The following VWA5B1 variants were observed in gnomAD, a reference collection of about 807,000 sequenced individuals.
The protein encoded by VWA5B1 is von Willebrand factor A domain-containing protein 5B1.
In VWA5B1, 115 loss-of-function variants were observed where a neutral mutation model predicts 118.2. The ratio of observed to expected loss-of-function variants is 0.97; its 90% confidence interval spans 0.84 to 1.14. The LOEUF (loss-of-function observed/expected upper bound fraction) is 1.14. Among genes scored for constraint, VWA5B1 ranks in the 50% most tolerant of loss-of-function variants. VWA5B1 has a pLI of 0.00. For missense variants in VWA5B1, 1,596 were observed against 1,603.8 expected, an observed-to-expected ratio of 1.00 and a Z score of 0.08; for synonymous variants, 682 against 658.4, an observed-to-expected ratio of 1.04 and a Z score of -0.55.
In VWA5B1 at chr1:20,352,047, C is replaced by T. The variant is rs1245160688; in HGVS notation, c.3024-8C>T. 1 of 1,549,626 alleles carries T rather than the reference C, an allele frequency of 6.5e-7. No individual in the cohort carries two copies. The highest frequency in any genetic ancestry group is 8.7e-7 in the Non-Finnish European group (1 of 1,146,012). ...GATGCCCAGGGCCACCTGACTTCAC[C>T]TGCACAGGCTAAATCTCAACAAGTC... is the stretch of plus-strand genomic sequence containing the variant. On this transcript the variant is annotated splice_polypyrimidine_tract_variant and splice_region_variant and intron_variant, in intron 20 of 21. Transcript: ENST00000289815.
intron 16 of VWA5B1, among the ~76,000 whole-genome samples, 188 bp from the exon 17 acceptor site, chr1:20,345,268 C>T (rs887342723): frequency 3.3e-5 from 5 of 152,114 alleles, no homozygotes; most frequent in African/African-American, 7.2e-5. Flanking sequence ...GAAATGATGA[C>T]GTGAAATGAT....
chr1:20,318,427 G>A, intron 5 of VWA5B1, 163 bp from the exon 6 acceptor site: 2 of 924,300 alleles, frequency 2.2e-6, no homozygotes, highest in Non-Finnish European at 3.4e-6. Context: ...TTTACAGGTG[G>A]GGAAATTGAG....
intron 12 of VWA5B1, 134 bp from the exon 13 acceptor site, chr1:20,336,169 A>T (rs906657354): frequency 1.7e-5 from 13 of 744,914 alleles, no homozygotes; most frequent in Admixed American, 4.3e-5. Context: ...CTAAGCAAAC[A>T]CAAAGCTTTC....
chr1:20,336,275 T>C, intron 12 of VWA5B1, 28 bp from the exon 13 acceptor site: 1 of 1,363,722 alleles, frequency 7.3e-7, no homozygotes, highest in Non-Finnish European at 9.6e-7. Context: ...GCCTCACTCC[T>C]AGCCCTCTTT....
Position 20,317,563 on chromosome 1 carries a change from G to T in VWA5B1, c.597G>T (p.Pro199=). Residue 199 remains proline, a synonymous_variant, in exon 5 of 22, where the codon CCG becomes CCT. Coordinates refer to ENST00000289815, the MANE Select transcript of VWA5B1 (RefSeq NM_001039500.3). ...KDRHCFGAWA[P]GSWNKLCLAT... is the part of the protein sequence containing the mutation. ...GGCACTGCTTCGGTGCCTGGGCCCC[G>T]GGCTCCTGGAATAAGTTGTGCCTGG... The T allele has an allele frequency of 6.4e-7, 1 of 1,551,636 alleles. No homozygotes were observed.
At chr1:20,309,986 A>C (rs558065913) in intron 1 of VWA5B1, among the ~76,000 whole-genome samples, 1 of 125,174 alleles carries the variant, frequency 8.0e-6, no homozygotes, top group South Asian at 2.6e-4. Flanking sequence ...GGTGGTGAGA[A>C]GGAGGTGCAG....
Position 20,354,322 on chromosome 1 carries a change from C to G in VWA5B1, c.*59C>G. ...TGGGGAGGAGAGGGATGGGCAGGGC[C>G]ATGTCGGCCTGGTTTCGGGGAGCTT... is the stretch of plus-strand genomic sequence containing the variant. On this transcript the variant is annotated 3_prime_UTR_variant, in exon 22 of 22. Transcript: ENST00000289815. The G allele has an allele frequency of 1.4e-6, 2 of 1,479,860 alleles. No individual in the cohort carries two copies. Among genetic ancestry groups the G allele is most frequent in the Non-Finnish European group, 9.0e-7 (1 of 1,108,544 alleles). The allele number at this position is 1,479,860 out of a possible 1,614,324, so 91.7% of individuals were successfully genotyped here.
chr1:20,315,172 G>A (rs896793358), intron 4 of VWA5B1, among the ~76,000 whole-genome samples: 7 of 152,224 alleles, frequency 4.6e-5, no homozygotes, highest in Admixed American at 2.0e-4. Flanking sequence ...TGAACGATGC[G>A]GAGGATGTAG....
intron 1 of VWA5B1, among the ~76,000 whole-genome samples, chr1:20,305,938 T>C (rs530701138): frequency 5.9e-5 from 9 of 152,056 alleles, no homozygotes; most frequent in African/African-American, 2.2e-4. Flanking sequence ...TGTGATGACA[T>C]ATGGATCCAT....
chr1:20,350,866 G>T lies in VWA5B1; in HGVS notation c.2963G>T (p.Arg988Leu). 6.4e-7 allele frequency: 1 copy of T among 1,551,798 alleles called. No homozygotes were observed. Among genetic ancestry groups the T allele is most frequent in the Non-Finnish European group, 8.7e-7 (1 of 1,147,008 alleles). ...EKHGASEGPQ[R>L]SLATNTLSSM... ...TTCTGTGGCTCTCCAGGTCCCCAGC[G>T]CAGCCTGGCTACAAATACTCTTTCT... is the stretch of plus-strand genomic sequence containing the variant. The change falls in exon 20 of 22, where the codon CGC becomes CTC. Residue 988 changes from arginine to leucine, a missense_variant. Physicochemically the swap from Arg to Leu is moderately radical, Grantham distance 102 (BLOSUM62 -2). Transcript: ENST00000289815.
At chr1:20,351,083 C>CT (rs1156388953) in intron 20 of VWA5B1, among the ~76,000 whole-genome samples, 157 bp downstream of exon 20, 2 of 152,168 alleles carry the variant, frequency 1.3e-5, no homozygotes, top group East Asian at 3.9e-4. Context: ...CAATCACTGT[C>CT]TCCCAGGTCT....
chr1:20,313,127 C>T, intron 3 of VWA5B1, 139 bp downstream of exon 3: 1 of 1,206,896 alleles, frequency 8.3e-7, no homozygotes, highest in Non-Finnish European at 1.1e-6. Context: ...GAATCTTGGA[C>T]AGAATCCTGT....
intron 12 of VWA5B1, among the ~76,000 whole-genome samples, chr1:20,336,056 A>T (rs531698394): frequency 6.6e-6 from 1 of 152,334 alleles, no homozygotes; most frequent in African/African-American, 2.4e-5. Context: ...ACTTACATTT[A>T]AAAAAATTTA....
rs1323363934 is a variant in VWA5B1 at position 20,330,500 on chromosome 1, AG to A, written c.1457+121del. ...AGAGGATAGGACCCACAATTCCCAA[AG>A]GGCTTTGCTTCCAAGATAGTGTGGG... On this transcript the variant is annotated intron_variant, in intron 10 of 21. Coordinates refer to ENST00000289815, the MANE Select transcript of VWA5B1 (RefSeq NM_001039500.3). 3.1e-5 allele frequency: 39 copies of A among 1,247,900 alleles called. No individual in the cohort carries two copies. The Middle Eastern group carries it at 1.1e-3, about 35-fold the overall frequency. 77.3% of individuals were successfully genotyped at this position (1,247,900 alleles called of 1,614,324 possible). A position where few individuals can be genotyped will look rare whatever the true frequency, so the allele number is the denominator to read the frequency against.
intron 1 of VWA5B1, among the ~76,000 whole-genome samples, chr1:20,294,565 C>T (rs1468065077): frequency 1.3e-5 from 2 of 152,190 alleles, no homozygotes; most frequent in African/African-American, 2.4e-5. Context: ...CCGCAACCTC[C>T]GCCTCCCAGG....
At chr1:20,291,663 C>G (rs562093337) in intron 1 of VWA5B1, among the ~76,000 whole-genome samples, 12 of 152,094 alleles carry the variant, frequency 7.9e-5, no homozygotes, top group Non-Finnish European at 1.5e-4. Context: ...GTGCCCACCC[C>G]GGCAGCCGGG....
chr1:20,345,477 T>TGA lies in VWA5B1; in HGVS notation c.2650_2651dup (p.Ser884ArgfsTer24). On this transcript the variant is annotated frameshift_variant, in exon 17 of 22. Transcript: ENST00000289815. LOFTEE classifies it high-confidence loss of function. ...ACAGGGTCCAACCGCCGCTACCAAG[T>TGA]GAGCGCCTTGCACACCAGCAAGGCC... The TGA allele has an allele frequency of 6.4e-7, 1 of 1,551,192 alleles. No homozygotes were observed. The highest frequency in any genetic ancestry group is 8.7e-7 in the Non-Finnish European group (1 of 1,146,986).
chr1:20,328,499 T>C (rs544770233), intron 9 of VWA5B1, among the ~76,000 whole-genome samples: 1 of 151,954 alleles, frequency 6.6e-6, no homozygotes, highest in South Asian at 2.1e-4. Flanking sequence ...TGTTCAAAAT[T>C]GGAGCATCCT....
At chr1:20,319,155 G>C (rs1293507373) in intron 6 of VWA5B1, among the ~76,000 whole-genome samples, 1 of 152,208 alleles carries the variant, frequency 6.6e-6, no homozygotes, top group Non-Finnish European at 1.5e-5. Flanking sequence ...AGATGGCTCA[G>C]CTGAGGCCCA....
Sources: gnomAD v4.1 joint callset for allele counts (sites outside exome capture counted in the v4.1 genomes callset) on GRCh38, gnomAD v4.1.1 for gene constraint, MANE v1.5 for transcripts, NCBI Gene and HGNC (gene_info 2026-07-23, HGNC 2026-07-21) for gene names.